The following RBFOX3 variants were observed in gnomAD, a reference collection of about 807,000 sequenced individuals.
RBFOX3 encodes the protein RNA binding protein fox-1 homolog 3.
A neutral mutation model predicts 48.7 loss-of-function variants in RBFOX3; 17 were observed. That is an observed-to-expected ratio of 0.35 (90% CI 0.24 to 0.52). RBFOX3 has a LOEUF of 0.52. RBFOX3 is among the 20% of genes least tolerant of loss of function. The pLI is 0.94. For synonymous variants in RBFOX3, 212 were observed against 209.5 expected, an observed-to-expected ratio of 1.01 and a Z score of -0.10; for missense variants, 382 against 497.5, an observed-to-expected ratio of 0.77 and a Z score of 2.21.
intron 4 of RBFOX3, among the ~76,000 whole-genome samples, chr17:79,170,368 T>G (rs2049011681): frequency 1.3e-5 from 2 of 149,678 alleles, no homozygotes; most frequent in African/African-American, 2.5e-5. Context: ...GACCTGAGAG[T>G]CCCCTGCCAG....
At chr17:79,420,061 ATGTTGCAG>A (rs2065994552) in intron 2 of RBFOX3, among the ~76,000 whole-genome samples, 1 of 148,740 alleles carries the variant, frequency 6.7e-6, no homozygotes. Flanking sequence ...TGGGAGGCGG[ATGTTGCAG>A]TGAGCTGAGA....
At chr17:79,227,066 G>A (rs1305939226) in intron 4 of RBFOX3, among the ~76,000 whole-genome samples, 1 of 152,136 alleles carries the variant, frequency 6.6e-6, no homozygotes, top group African/African-American at 2.4e-5. Flanking sequence ...TCTCACTCCC[G>A]TGTCTCTTCC....
chr17:79,147,455 C>T (rs762208123), intron 4 of RBFOX3, among the ~76,000 whole-genome samples: 5 of 152,234 alleles, frequency 3.3e-5, no homozygotes, highest in Admixed American at 1.3e-4. Context: ...CCAACCCCTC[C>T]GGAGCCTGGC....
intron 3 of RBFOX3, among the ~76,000 whole-genome samples, chr17:79,286,273 G>A (rs1008825443): frequency 2.0e-5 from 3 of 151,292 alleles, no homozygotes; most frequent in Non-Finnish European, 4.4e-5. Flanking sequence ...GCCCCTTAGA[G>A]AGCCTGGTAA....
chr17:79,109,164 G>A (rs1047292293), intron 5 of RBFOX3, among the ~76,000 whole-genome samples: 49 of 152,298 alleles, frequency 3.2e-4, no homozygotes, highest in Middle Eastern at 3.4e-3. Flanking sequence ...CCAAGAGGTG[G>A]AAAATGGTCA....
At chr17:79,587,326 G>A (rs1027893737) in intron 1 of RBFOX3, among the ~76,000 whole-genome samples, 4 of 152,214 alleles carry the variant, frequency 2.6e-5, no homozygotes, top group Non-Finnish European at 5.9e-5. Context: ...CATTGCACAG[G>A]AGAGGCTCCA....
chr17:79,389,468 C>T (rs1258966794), intron 2 of RBFOX3, among the ~76,000 whole-genome samples: 1 of 152,158 alleles, frequency 6.6e-6, no homozygotes, highest in Admixed American at 6.5e-5. Flanking sequence ...AGCTGACAGC[C>T]CTTGAGGGGG....
chr17:79,628,455 G>A, the RBFOX3 span, among the ~76,000 whole-genome samples: 16 of 152,292 alleles, frequency 1.1e-4, no homozygotes, highest in East Asian at 1.4e-3. Flanking sequence ...TCACAAGGCC[G>A]CAGAGTCCTT....
chr17:79,603,290 C>A (rs1264409518), intron 1 of RBFOX3, among the ~76,000 whole-genome samples: 1 of 152,122 alleles, frequency 6.6e-6, no homozygotes, highest in African/African-American at 2.4e-5. Context: ...CCTGCCCTGG[C>A]CTCCTTGTGG....
chr17:79,471,891 C>T lies in RBFOX3; in HGVS notation c.-175+10563G>A, dbSNP rs1555757245. Among the ~76,000 whole-genome samples, 1 of 152,198 alleles carries T rather than the reference C, an allele frequency of 6.6e-6. No individual in the cohort carries two copies. Among genetic ancestry groups the T allele is most frequent in the Non-Finnish European group, 1.5e-5 (1 of 68,038 alleles). ...TTCAAGAGAGGCGACTAAATCTCCA[C>T]CAAGCACATTATATCAAATACGCCT... On this transcript the variant is annotated intron_variant, in intron 2 of 14. Coordinates refer to ENST00000693108, the MANE Select transcript of RBFOX3 (RefSeq NM_001350451.2). This position sits in a 1 kb window ranked among gnomAD's most constrained non-coding sequence, Gnocchi z 4.0.
intron 2 of RBFOX3, among the ~76,000 whole-genome samples, chr17:79,475,647 C>T (rs2077623150): frequency 6.6e-6 from 1 of 152,202 alleles, no homozygotes; most frequent in East Asian, 1.9e-4. Flanking sequence ...AATGAGAACA[C>T]ACAGGTGCAC....
intron 2 of RBFOX3, among the ~76,000 whole-genome samples, chr17:79,347,119 AT>A (rs2083050994): frequency 6.6e-6 from 1 of 152,236 alleles, no homozygotes; most frequent in African/African-American, 2.4e-5. Flanking sequence ...ATTTGGCTGC[AT>A]GTAAAAGTCT....
chr17:79,535,603 C>T lies in RBFOX3; in HGVS notation c.-319-53005G>A, dbSNP rs540683423. On this transcript the variant is annotated intron_variant, in intron 1 of 14. Coordinates refer to ENST00000693108, the MANE Select transcript of RBFOX3 (RefSeq NM_001350451.2). The surrounding 1 kb of genome is among the most constrained non-coding windows in gnomAD (Gnocchi z 4.5). Reference sequence around the variant, plus strand: ...GGCTTGCAGGTCTGCTGCATGGCTGCGGTCCTGGCCAGACCACATTCTGGG... The same window carrying T: ...GGCTTGCAGGTCTGCTGCATGGCTGTGGTCCTGGCCAGACCACATTCTGGG... Among the ~76,000 whole-genome samples the T allele has an allele frequency of 3.9e-5, 6 of 152,306 alleles. No homozygotes were observed. In the East Asian group the frequency reaches 9.6e-4, roughly 24 times the overall value.
intron 1 of RBFOX3, among the ~76,000 whole-genome samples, chr17:79,506,612 A>T (rs1411953796): frequency 1.3e-5 from 2 of 152,202 alleles, no homozygotes; most frequent in Non-Finnish European, 2.9e-5. Context: ...TGGCGAGGAA[A>T]GAGCCAAGGA....
At chr17:79,620,376 C>T in the RBFOX3 span, among the ~76,000 whole-genome samples, 1 of 141,474 alleles carries the variant, frequency 7.1e-6, no homozygotes, top group South Asian at 2.3e-4. Context: ...CACGGACATA[C>T]ACACACATGC....
chr17:79,371,406 C>T (rs998765798), intron 2 of RBFOX3, among the ~76,000 whole-genome samples: 2 of 152,200 alleles, frequency 1.3e-5, no homozygotes, highest in Non-Finnish European at 2.9e-5. Context: ...TGCCCATGCT[C>T]GCCCTCCCCT....
At position 79,283,524 on chromosome 17, in the gene RBFOX3, CTCCCAA is replaced by C. The variant is rs1339902141; in HGVS notation, c.-74+24194_-74+24199del. 6.9e-3 allele frequency among the ~76,000 whole-genome samples: 1,057 copies of C among 152,326 alleles called. 7 individuals carry two copies. The highest frequency in any genetic ancestry group is 0.024 in the African/African-American group (988 of 41,574). ...CCTCAAGTGATCTGCCCGCCTCGGC[CTCCCAA>C]AGTGCTGGGATTACAGGCGTGAGCT... On this transcript the variant is annotated intron_variant, in intron 3 of 14. Transcript: ENST00000693108.
chr17:79,648,937 A>G, the RBFOX3 span, among the ~76,000 whole-genome samples: 1 of 151,958 alleles, frequency 6.6e-6, no homozygotes, highest in East Asian at 1.9e-4. Context: ...GCCACAGGAT[A>G]AGGAAGACAG....
chr17:79,314,419 C>T (rs951982879), intron 2 of RBFOX3, among the ~76,000 whole-genome samples: 11 of 152,052 alleles, frequency 7.2e-5, no homozygotes, highest in African/African-American at 1.9e-4. Flanking sequence ...AGATCGCATA[C>T]GGAGCTGGTG....
Sources: gnomAD v4.1 joint callset for allele counts (sites outside exome capture counted in the v4.1 genomes callset) on GRCh38, gnomAD v4.1.1 for gene constraint, Gnocchi (gnomAD v3.1) non-coding constraint, MANE v1.5 for transcripts, NCBI Gene and HGNC (gene_info 2026-07-23, HGNC 2026-07-21) for gene names.